WDR76: variants seen among roughly 807,000 people sequenced by gnomAD.
The protein encoded by WDR76 is WD repeat-containing protein 76.
In WDR76, 52 loss-of-function variants were observed where a neutral mutation model predicts 70.2. The ratio of observed to expected loss-of-function variants is 0.74; its 90% CI spans 0.59 to 0.93. WDR76 has a LOEUF of 0.93. Among genes scored for constraint, WDR76 ranks in the 40% least tolerant of loss-of-function variants. The pLI is 0.00. For missense variants in WDR76, 756 were observed against 760.2 expected (o/e 0.99, Z 0.07); for synonymous variants, 292 against 271.1 (o/e 1.08, Z -0.76).
Position 43,828,179 on chromosome 15 carries a change from G to T in WDR76, c.275G>T (p.Arg92Met), listed in dbSNP as rs1227126844. The T allele has an allele frequency of 1.2e-6, 2 of 1,614,040 alleles. No individual in the cohort carries two copies. Among genetic ancestry groups the T allele is most frequent in the Non-Finnish European group, 1.7e-6 (2 of 1,180,006 alleles). ...ACTAAAATAAAGAAAACTTGCAGAA[G>T]GATTATACCTCCAAAGATGAAAAAC... ...KKTKIKKTCRRIIPPKMKNTS... is the reference protein window; with the variant it reads ...KKTKIKKTCRMIIPPKMKNTS... Residue 92 changes from arginine to methionine, a missense_variant, in exon 2 of 13, where the codon AGG (arginine) becomes ATG (methionine). Transcript: ENST00000263795.
At chr15:43,862,495 TTTTTTTGTTTTTTG>T (rs971665265) in intron 12 of WDR76, among the ~76,000 whole-genome samples, 15 of 147,526 alleles carry the variant, frequency 1.0e-4, no homozygotes, top group African/African-American at 3.7e-4. Context: ...TTTCTGTTTT[TTTTTTTGTTTTTTG>T]TTTTTTTGTT....
rs2088092736 is a variant in WDR76, at chr15:43,867,811, T to C, written c.*1419T>C. 6.6e-6 allele frequency: 1 copy of C among 152,184 alleles called. No individual in the cohort carries two copies. The highest frequency in any genetic ancestry group is 2.4e-5 in the African/African-American group (1 of 41,452). The allele number at this position is 152,184 out of a possible 1,614,324, so 9.4% of individuals were successfully genotyped here. ...AGAAGTTATGGTAATTTCAATGTGT[T>C]TGTTGTTGGGAGGGGAGCTGCCAAA... On this transcript the variant is annotated 3_prime_UTR_variant, in exon 13 of 13. Transcript: ENST00000263795.
intron 2 of WDR76, among the ~76,000 whole-genome samples, chr15:43,831,195 C>T (rs1208377586): frequency 1.3e-5 from 2 of 152,064 alleles, no homozygotes; most frequent in African/African-American, 4.8e-5. Context: ...CAGGCCACTG[C>T]ACTCCAGCCT....
rs2087853492 is a variant in WDR76 at position 43,851,109 on chromosome 15, G to A, written c.1055G>A (p.Gly352Glu). The change falls in exon 9 of 13, where the codon GGA (glycine) becomes GAA (glutamate). Residue 352 changes from glycine (G) to glutamate (E), a missense_variant. By Grantham distance (98) the Gly-to-Glu change is moderately conservative (BLOSUM62 -2). Transcript: ENST00000263795. The part of the protein sequence containing the change: ...CDLTQQPKED[G>E]VYVFHPHSQP... ...CAGACCCAGCAACCTAAAGAAGATGGAGTTTATGTTTTTCATCCCCATAGT... is the reference window on the plus strand; with the variant it reads ...CAGACCCAGCAACCTAAAGAAGATGAAGTTTATGTTTTTCATCCCCATAGT... 1 of 1,614,096 alleles carries A rather than the reference G, an allele frequency of 6.2e-7. No homozygotes were observed. Among genetic ancestry groups the A allele is most frequent in the Non-Finnish European group, 8.5e-7 (1 of 1,180,018 alleles).
At chr15:43,844,146 G>A in intron 8 of WDR76, 92 bp downstream of exon 8, 2 of 1,199,818 alleles carry the variant, frequency 1.7e-6, no homozygotes, top group Non-Finnish European at 2.2e-6. Flanking sequence ...TATAAATGTT[G>A]CGTGAGACTT....
chr15:43,854,767 G>A (rs1262716763), intron 9 of WDR76, among the ~76,000 whole-genome samples: 1 of 151,952 alleles, frequency 6.6e-6, no homozygotes, highest in African/African-American at 2.4e-5. Context: ...TGGCCAACAT[G>A]GTGAAACCCC....
At chr15:43,849,483 A>G (rs2087829703) in intron 8 of WDR76, among the ~76,000 whole-genome samples, 1 of 152,234 alleles carries the variant, frequency 6.6e-6, no homozygotes, top group Admixed American at 6.5e-5. Flanking sequence ...AAATTTAACT[A>G]TAAAGATGTC....
At chr15:43,830,985 T>G (rs1219265373) in intron 2 of WDR76, among the ~76,000 whole-genome samples, 1 of 151,710 alleles carries the variant, frequency 6.6e-6, no homozygotes, top group African/African-American at 2.4e-5. Flanking sequence ...GAGGTAGAGG[T>G]TGCAGTGAGC....
intron 2 of WDR76, among the ~76,000 whole-genome samples, chr15:43,830,775 G>A (rs911195783): frequency 6.6e-6 from 1 of 152,026 alleles, no homozygotes; most frequent in African/African-American, 2.4e-5. Context: ...GGCCGGCCAT[G>A]GTGGTTCATG....
chr15:43,828,795 T>A (rs991507349), intron 2 of WDR76, among the ~76,000 whole-genome samples: 1 of 152,222 alleles, frequency 6.6e-6, no homozygotes, highest in Non-Finnish European at 1.5e-5. Flanking sequence ...TGAATAATAT[T>A]TCCTTTAAAT....
chr15:43,827,943 T>C (rs2087537237), intron 1 of WDR76, 22 bp from the exon 2 acceptor site: 4 of 1,570,536 alleles, frequency 2.5e-6, no homozygotes, highest in Admixed American at 2.0e-5. Context: ...AATATTCTGT[T>C]TTCTTTTATT....
Position 43,866,229 on chromosome 15 carries a change from G to GGCAGCAT in WDR76, c.1719_1720insCAGCATG (p.Val574GlnfsTer8). On this transcript the variant is annotated frameshift_variant, in exon 13 of 13. Coordinates refer to ENST00000263795, the MANE Select transcript of WDR76 (RefSeq NM_024908.4). LOFTEE classifies it high-confidence loss of function. ...GTTGGCAGCATGGCCCATCCACGAC[G>GGCAGCAT]GGTAGAAATCTTCCATGAGACAGGA... is the stretch of plus-strand genomic sequence containing the variant. 1 of 1,614,172 alleles carries GGCAGCAT rather than the reference G, an allele frequency of 6.2e-7. No individual in the cohort carries two copies. The highest frequency in any genetic ancestry group is 1.7e-5 in the Admixed American group (1 of 60,020).
chr15:43,857,658 A>G (rs1416048871), intron 10 of WDR76: 1 of 335,544 alleles, frequency 3.0e-6, no homozygotes, highest in East Asian at 1.7e-4. Flanking sequence ...TGTCTCTACT[A>G]AAAATACAAA....
intron 2 of WDR76, among the ~76,000 whole-genome samples, chr15:43,831,185 C>G (rs561965192): frequency 1.3e-5 from 2 of 151,844 alleles, no homozygotes; most frequent in East Asian, 2.0e-4. Flanking sequence ...GAGCTGAGAT[C>G]AGGCCACTGC....
chr15:43,841,491 GCCCA>G (rs966333555), intron 5 of WDR76, among the ~76,000 whole-genome samples: 8 of 151,978 alleles, frequency 5.3e-5, no homozygotes, highest in African/African-American at 1.9e-4. Context: ...ACCGCACCCG[GCCCA>G]CGCATGGCTA....
At chr15:43,851,574 A>G (rs963493336) in intron 9 of WDR76, among the ~76,000 whole-genome samples, 2 of 152,156 alleles carry the variant, frequency 1.3e-5, no homozygotes, top group Non-Finnish European at 2.9e-5. Flanking sequence ...CGCTTGTTAA[A>G]TTTCTTTTTT....
chr15:43,858,178 G>A (rs1168366508), intron 10 of WDR76, among the ~76,000 whole-genome samples: 1 of 151,674 alleles, frequency 6.6e-6, no homozygotes, highest in African/African-American at 2.4e-5. Context: ...TGATCCACCC[G>A]CCTTGGCCTC....
In WDR76 at chr15:43,866,163, T is replaced by G. The variant is rs770834355; in HGVS notation, c.1652T>G (p.Phe551Cys). The G allele has an allele frequency of 4.3e-6, 7 of 1,614,224 alleles. No individual in the cohort carries two copies. Among genetic ancestry groups the G allele is most frequent in the Non-Finnish European group, 5.9e-6 (7 of 1,180,030 alleles). Reference sequence around the variant, plus strand: ...TTCACTGGGCGATGGCTGACCAGGTTCCAAGCCATGTGGGATCCTAAACAA... The same window carrying G: ...TTCACTGGGCGATGGCTGACCAGGTGCCAAGCCATGTGGGATCCTAAACAA... ...NTFTGRWLTR[F>C]QAMWDPKQED... is the part of the protein sequence containing the mutation. The change falls in exon 13 of 13, where the codon TTC becomes TGC. Residue 551 changes from phenylalanine (F) to cysteine (C), a missense_variant. Phe to Cys is a radical substitution (Grantham distance 205). Coordinates refer to ENST00000263795, the MANE Select transcript of WDR76 (RefSeq NM_024908.4).
At chr15:43,860,200 G>T (rs937011654) in intron 11 of WDR76, among the ~76,000 whole-genome samples, 8 of 152,218 alleles carry the variant, frequency 5.3e-5, no homozygotes, top group Non-Finnish European at 1.0e-4. Flanking sequence ...AGCTGTGACG[G>T]TGCCATTGCA....
Sources: gnomAD v4.1 joint callset for allele counts (sites outside exome capture counted in the v4.1 genomes callset) on GRCh38, gnomAD v4.1.1 for gene constraint, MANE v1.5 for transcripts, NCBI Gene and HGNC (gene_info 2026-07-23, HGNC 2026-07-21) for gene names.